The following PTPRN2 variants were observed in gnomAD, a reference collection of about 807,000 sequenced individuals.
PTPRN2 encodes protein tyrosine phosphatase receptor type N2.
Under a neutral mutation model 118.8 loss-of-function variants are expected in PTPRN2, and 74 were observed. The observed-to-expected ratio is 0.62, with a 90% CI of 0.52 to 0.76. PTPRN2 has a LOEUF of 0.76. Among genes scored for constraint, PTPRN2 ranks in the 30% least tolerant of loss-of-function variants. The pLI is 0.00. For synonymous variants in PTPRN2, 641 were observed against 608.0 expected (o/e 1.05, Z -0.80); for missense variants, 1,481 against 1,394.4 (o/e 1.06, Z -0.99).
intron 13 of PTPRN2, chr7:157,669,602 G>A (rs749481154): frequency 4.2e-6 from 2 of 475,516 alleles, no homozygotes; most frequent in East Asian, 6.3e-5. Context: ...GTCAGCCCAC[G>A]ATGAGCGATG....
chr7:158,004,941 T>C (rs1345272957), intron 11 of PTPRN2, among the ~76,000 whole-genome samples: 4 of 152,158 alleles, frequency 2.6e-5, no homozygotes, highest in Admixed American at 2.0e-4. Context: ...TAAATGCTAA[T>C]AGATACATAA....
chr7:158,370,078 A>C (rs1357909565), intron 2 of PTPRN2, among the ~76,000 whole-genome samples: 1 of 152,176 alleles, frequency 6.6e-6, no homozygotes, highest in African/African-American at 2.4e-5. Context: ...GGTGATCAAC[A>C]CTGCAGGAGA....
chr7:158,482,668 T>C (rs1055674332), intron 2 of PTPRN2, among the ~76,000 whole-genome samples: 2 of 152,214 alleles, frequency 1.3e-5, no homozygotes, highest in Non-Finnish European at 2.9e-5. Context: ...ATCGTCATAT[T>C]TGCTTTATTG....
rs1563392014 is a variant in PTPRN2, at chr7:158,071,570, G to GAT, written c.1723+9727_1723+9728insAT. Among the ~76,000 whole-genome samples the GAT allele has an allele frequency of 2.8e-3, 86 of 30,686 alleles. 12 individuals carry two copies. Among genetic ancestry groups the GAT allele is most frequent in the African/African-American group, 6.6e-3 (80 of 12,106 alleles). The allele number at this position is 30,686 out of a possible 152,430, so 20.1% of individuals were successfully genotyped here. ...TGCTCCTGGTGGTGGAGGTGCTCCT[G>GAT]GTGGAGGTGCTCCTGGTGGAGGTGC... On this transcript the variant is annotated intron_variant, in intron 11 of 22. Transcript: ENST00000389418.
At chr7:157,877,639 C>T (rs1339573482) in intron 12 of PTPRN2, among the ~76,000 whole-genome samples, 1 of 152,208 alleles carries the variant, frequency 6.6e-6, no homozygotes, top group Non-Finnish European at 1.5e-5. Context: ...TCTCTGGACC[C>T]AGCATCAAAG....
At chr7:158,356,781 A>C (rs1179798848) in intron 2 of PTPRN2, among the ~76,000 whole-genome samples, 1 of 37,848 alleles carries the variant, frequency 2.6e-5, no homozygotes, top group Non-Finnish European at 5.1e-5. Context: ...AAAAGGTGAA[A>C]AGAGCTAAAA....
intron 11 of PTPRN2, among the ~76,000 whole-genome samples, chr7:158,042,596 G>T (rs1224665493): frequency 1.3e-5 from 2 of 152,198 alleles, no homozygotes; most frequent in South Asian, 2.1e-4. Flanking sequence ...CTGAGTTCAC[G>T]TTTTTGCTGT....
intron 2 of PTPRN2, among the ~76,000 whole-genome samples, chr7:158,405,790 A>C (rs550643717): frequency 6.6e-6 from 1 of 152,190 alleles, no homozygotes; most frequent in Non-Finnish European, 1.5e-5. Context: ...TTATCCATGC[A>C]TGTGGCCGCA....
intron 8 of PTPRN2, among the ~76,000 whole-genome samples, chr7:158,134,863 CTG>C (rs1260500947): frequency 6.6e-6 from 1 of 152,130 alleles, no homozygotes; most frequent in Non-Finnish European, 1.5e-5. Flanking sequence ...TTTGTAGACT[CTG>C]GAGTTTACAG....
At chr7:158,311,359 C>T (rs1801715085) in intron 3 of PTPRN2, among the ~76,000 whole-genome samples, 1 of 152,010 alleles carries the variant, frequency 6.6e-6, no homozygotes, top group African/African-American at 2.4e-5. Flanking sequence ...AGATTCTTAC[C>T]AGGAAATGAA....
chr7:158,417,071 G>T (rs1814727531), intron 2 of PTPRN2, among the ~76,000 whole-genome samples: 1 of 151,080 alleles, frequency 6.6e-6, no homozygotes, highest in African/African-American at 2.5e-5. Flanking sequence ...TCAAGATGCT[G>T]CAGCTCTCAG....
chr7:158,326,931 GCA>G, intron 2 of PTPRN2, among the ~76,000 whole-genome samples: 1 of 146,510 alleles, frequency 6.8e-6, no homozygotes, highest in African/African-American at 2.5e-5. Flanking sequence ...GTTCTCACAT[GCA>G]CACATACACA....
intron 13 of PTPRN2, among the ~76,000 whole-genome samples, chr7:157,657,814 T>C (rs1290959112): frequency 7.4e-5 from 4 of 54,336 alleles, no homozygotes; most frequent in African/African-American, 1.4e-4. Context: ...ACCACACACA[T>C]CACACATATA....
intron 14 of PTPRN2, among the ~76,000 whole-genome samples, chr7:157,635,297 T>C (rs1043298934): frequency 6.6e-6 from 1 of 152,186 alleles, no homozygotes; most frequent in Admixed American, 6.5e-5. Context: ...CGGAATTTCA[T>C]TGTGGGAATG....
At chr7:157,939,161 G>A (rs2128788700) in intron 11 of PTPRN2, among the ~76,000 whole-genome samples, 1 of 151,648 alleles carries the variant, frequency 6.6e-6, no homozygotes, top group Non-Finnish European at 1.5e-5. Context: ...TCAATAGCAA[G>A]GTTTCCAGCA....
chr7:158,447,247 A>G (rs953002715), intron 2 of PTPRN2, among the ~76,000 whole-genome samples: 2 of 152,062 alleles, frequency 1.3e-5, no homozygotes, highest in Non-Finnish European at 2.9e-5. Context: ...TGCAGCCTCC[A>G]CCGTTAAGCA....
chr7:157,561,411 G>T (rs571243084), intron 21 of PTPRN2, among the ~76,000 whole-genome samples: 2 of 152,234 alleles, frequency 1.3e-5, no homozygotes, highest in Non-Finnish European at 1.5e-5. Flanking sequence ...TTCCATGAGA[G>T]CCCCAAAGGA....
chr7:158,038,259 G>A (rs1808217904), intron 11 of PTPRN2, among the ~76,000 whole-genome samples: 1 of 152,272 alleles, frequency 6.6e-6, no homozygotes, highest in Middle Eastern at 3.4e-3. Context: ...CACACATGGG[G>A]ACTGGATAGA....
At chr7:158,290,973 T>A (rs1328537613) in intron 3 of PTPRN2, among the ~76,000 whole-genome samples, 1 of 152,180 alleles carries the variant, frequency 6.6e-6, no homozygotes, top group Non-Finnish European at 1.5e-5. Flanking sequence ...ATCTGATTCT[T>A]TAAGAAGTCA....
Sources: allele counts gnomAD v4.1 joint callset (sites outside exome capture counted in the v4.1 genomes callset), GRCh38; gene constraint gnomAD v4.1.1; transcripts MANE v1.5; gene names NCBI Gene and HGNC (gene_info 2026-07-23, HGNC 2026-07-21).